Variants in FOXP2 observed in about 807,000 individuals in gnomAD.
The protein encoded by FOXP2 is forkhead box protein P2.
A neutral mutation model predicts 115.8 loss-of-function variants in FOXP2; 12 were observed. The ratio of observed to expected loss-of-function variants is 0.10; its 90% CI spans 0.07 to 0.17. FOXP2 has a LOEUF of 0.17. Among genes scored for constraint, FOXP2 ranks in the 10% least tolerant of loss-of-function variants. FOXP2 has a pLI of 1.00. For missense variants in FOXP2, 629 were observed against 843.5 expected, an observed-to-expected ratio of 0.75 and a Z score of 3.15; for synonymous variants, 328 against 297.7, an observed-to-expected ratio of 1.10 and a Z score of -1.05.
chr7:114,369,382 A>C (rs1470199469), intron 2 of FOXP2, among the ~76,000 whole-genome samples: 1 of 152,176 alleles, frequency 6.6e-6, no homozygotes, highest in Non-Finnish European at 1.5e-5. Context: ...TTCCTTGTCC[A>C]GGTGGAGTAG....
intron 1 of FOXP2, among the ~76,000 whole-genome samples, chr7:114,130,689 C>G (rs909269670): frequency 1.1e-4 from 17 of 152,046 alleles, no homozygotes; most frequent in Non-Finnish European, 2.4e-4. Context: ...AAATCACATA[C>G]TGTAGAAGTA....
rs771063685 is a variant in FOXP2, at chr7:114,691,895, T to A, written c.*1969T>A. On this transcript the variant is annotated 3_prime_UTR_variant, in exon 17 of 17. Transcript: ENST00000350908. ...CGGCTTTCAAAAGGGTTTTCCCACT[T>A]ACCCAAAAGGCTTTCTGAAAGCTTC... 1.7e-4 allele frequency: 74 copies of A among 440,728 alleles called. No homozygotes were observed. The highest frequency in any genetic ancestry group is 7.1e-5 in the Non-Finnish European group (16 of 223,852). The allele number at this position is 440,728 out of a possible 1,614,324, so 27.3% of individuals were successfully genotyped here.
At chr7:114,423,290 T>G (rs1320761841) in intron 1 of FOXP2, among the ~76,000 whole-genome samples, 1 of 151,688 alleles carries the variant, frequency 6.6e-6, no homozygotes, top group African/African-American at 2.4e-5. Flanking sequence ...TGCAATCTTG[T>G]GCAGTCAGTT....
At chr7:114,424,216 A>C (rs1241237994) in intron 1 of FOXP2, among the ~76,000 whole-genome samples, 1 of 151,344 alleles carries the variant, frequency 6.6e-6, no homozygotes, top group Non-Finnish European at 1.5e-5. Flanking sequence ...TGATTATGAC[A>C]CAGTAATACA....
At chr7:114,325,003 G>T (rs1797522796) in intron 2 of FOXP2, among the ~76,000 whole-genome samples, 1 of 151,796 alleles carries the variant, frequency 6.6e-6, no homozygotes, top group Non-Finnish European at 1.5e-5. Context: ...ATCATATCAT[G>T]GAGAATGAGA....
chr7:114,420,161 A>C (rs1405956004), intron 1 of FOXP2, among the ~76,000 whole-genome samples: 1 of 152,004 alleles, frequency 6.6e-6, no homozygotes, highest in East Asian at 1.9e-4. Flanking sequence ...GATATGTGGC[A>C]GGAAAGGTGA....
chr7:114,095,893 A>G (rs1176652140), intron 1 of FOXP2, among the ~76,000 whole-genome samples: 1 of 152,236 alleles, frequency 6.6e-6, no homozygotes, highest in African/African-American at 2.4e-5. Context: ...CTGTGGGAAT[A>G]CTACATATCT....
intron 2 of FOXP2, among the ~76,000 whole-genome samples, chr7:114,526,090 C>T (rs1242884101): frequency 7.4e-6 from 1 of 134,374 alleles, no homozygotes; most frequent in Non-Finnish European, 1.6e-5. Context: ...CCAGCCTGGA[C>T]AACAAGAGTG....
intron 3 of FOXP2, among the ~76,000 whole-genome samples, chr7:114,627,722 T>TG (rs1280933621): frequency 6.6e-6 from 1 of 152,110 alleles, no homozygotes; most frequent in Admixed American, 6.6e-5. Context: ...AAGGAAGTAG[T>TG]GGGAAAAAAG....
chr7:114,153,446 A>G (rs918050480), intron 1 of FOXP2, among the ~76,000 whole-genome samples: 1 of 152,178 alleles, frequency 6.6e-6, no homozygotes, highest in Admixed American at 6.6e-5. Flanking sequence ...TATGACGTAG[A>G]AAGTAATGTT....
chr7:114,399,203 A>G (rs1408927859), intron 2 of FOXP2, among the ~76,000 whole-genome samples: 3 of 150,942 alleles, frequency 2.0e-5, no homozygotes, highest in Non-Finnish European at 4.4e-5. Flanking sequence ...TGCCTCCCCA[A>G]TTCAAGTGAT....
At chr7:114,337,972 G>A (rs1797900763) in intron 2 of FOXP2, among the ~76,000 whole-genome samples, 1 of 151,066 alleles carries the variant, frequency 6.6e-6, no homozygotes, top group East Asian at 1.9e-4. Context: ...AAATGTCCCT[G>A]AAAATCTTTA....
chr7:114,682,014 A>C (rs1298007238), intron 16 of FOXP2, among the ~76,000 whole-genome samples: 1 of 152,202 alleles, frequency 6.6e-6, no homozygotes, highest in Non-Finnish European at 1.5e-5. Flanking sequence ...GACTGTGTTC[A>C]GTGTTTATTG....
intron 3 of FOXP2, among the ~76,000 whole-genome samples, chr7:114,593,786 G>A (rs945517559): frequency 6.6e-5 from 10 of 151,930 alleles, no homozygotes; most frequent in Admixed American, 5.3e-4. Context: ...ACTGTCAAAT[G>A]TACTAGGTTG....
intron 1 of FOXP2, among the ~76,000 whole-genome samples, chr7:114,150,467 A>G (rs1293573356): frequency 6.6e-6 from 1 of 151,998 alleles, no homozygotes; most frequent in Non-Finnish European, 1.5e-5. Context: ...TTTTTCCACA[A>G]ATAGTAACAA....
intron 9 of FOXP2, among the ~76,000 whole-genome samples, chr7:114,653,723 T>A (rs994028069): frequency 2.6e-5 from 4 of 152,154 alleles, no homozygotes; most frequent in African/African-American, 4.8e-5. Context: ...TTCTCTGACC[T>A]TTTAACATAA....
intron 1 of FOXP2, among the ~76,000 whole-genome samples, chr7:114,272,239 TTGGTAA>T (rs1796081908): frequency 1.3e-5 from 2 of 151,026 alleles, no homozygotes; most frequent in African/African-American, 2.4e-5. Context: ...ATAATCCCAC[TTGGTAA>T]TGGTATATAA....
chr7:114,666,278 C>G (rs1415426571), intron 16 of FOXP2: 1 of 151,776 alleles, frequency 6.6e-6, no homozygotes, highest in Non-Finnish European at 1.5e-5. Context: ...TAAATTGTCC[C>G]TTTTTCTAAG....
At chr7:114,278,834 C>G (rs975385402) in intron 1 of FOXP2, among the ~76,000 whole-genome samples, 1 of 152,128 alleles carries the variant, frequency 6.6e-6, no homozygotes, top group Non-Finnish European at 1.5e-5. Context: ...ATTTACTTTG[C>G]TGAAGTTAAA....
Sources: gnomAD v4.1 joint callset for allele counts (sites outside exome capture counted in the v4.1 genomes callset) on GRCh38, gnomAD v4.1.1 for gene constraint, MANE v1.5 for transcripts, NCBI Gene and HGNC (gene_info 2026-07-23, HGNC 2026-07-21) for gene names.